The following COL28A1 variants were observed in gnomAD, a reference collection of about 807,000 sequenced individuals.
The protein encoded by COL28A1 is collagen type XXVIII alpha 1 chain.
A neutral mutation model predicts 150.2 loss-of-function variants in COL28A1; 161 were observed. The ratio of observed to expected loss-of-function variants is 1.07; its 90% CI spans 0.94 to 1.22. The LOEUF (loss-of-function observed/expected upper bound fraction) is 1.22, where lower values mean the gene tolerates loss of function less well. Among genes scored for constraint, COL28A1 ranks in the 50% most tolerant of loss-of-function variants. COL28A1 has a pLI of 0.00. For synonymous variants in COL28A1, 552 were observed against 469.7 expected (o/e 1.18, Z -2.26); for missense variants, 1,617 against 1,388.3 (o/e 1.16, Z -2.62).
downstream of COL28A1, among the ~76,000 whole-genome samples, chr7:7,351,769 A>T (rs577950047): frequency 3.9e-5 from 6 of 152,126 alleles, no homozygotes; most frequent in Non-Finnish European, 7.4e-5. Flanking sequence ...ATGTGTGTGT[A>T]TGAGTGAGTG....
At chr7:7,484,794 A>C (rs1210177516) in intron 13 of COL28A1, among the ~76,000 whole-genome samples, 4 of 152,170 alleles carry the variant, frequency 2.6e-5, no homozygotes, top group African/African-American at 9.6e-5. Context: ...GAAATATTGC[A>C]CAGCCATAAG....
At chr7:7,490,943 A>G (rs1036780648) in intron 11 of COL28A1, among the ~76,000 whole-genome samples, 11 of 152,248 alleles carry the variant, frequency 7.2e-5, no homozygotes, top group Admixed American at 3.9e-4. Context: ...ATGACTATAT[A>G]ACAATGAATA....
chr7:7,479,125 G>T (rs1482865593), intron 13 of COL28A1, among the ~76,000 whole-genome samples: 1 of 152,238 alleles, frequency 6.6e-6, no homozygotes, highest in African/African-American at 2.4e-5. Context: ...CAAGGGACTT[G>T]AGCATCTGTG....
intron 27 of COL28A1, among the ~76,000 whole-genome samples, chr7:7,396,163 C>A (rs1782823219): frequency 6.6e-6 from 1 of 152,074 alleles, no homozygotes; most frequent in Non-Finnish European, 1.5e-5. Flanking sequence ...ATCCAGAGAC[C>A]CCCTAGAGCA....
chr7:7,377,537 G>C (rs865944315), intron 30 of COL28A1, among the ~76,000 whole-genome samples: 1 of 152,158 alleles, frequency 6.6e-6, no homozygotes, highest in Non-Finnish European at 1.5e-5. Flanking sequence ...GAGCGTTCAG[G>C]CAAGGTGGTC....
intron 27 of COL28A1, among the ~76,000 whole-genome samples, chr7:7,395,627 G>C (rs1039192573): frequency 5.9e-5 from 9 of 152,090 alleles, no homozygotes; most frequent in African/African-American, 1.5e-4. Flanking sequence ...TAGTCAATTG[G>C]AACATGGTTG....
At chr7:7,461,751 G>A (rs1448383619) in intron 15 of COL28A1, among the ~76,000 whole-genome samples, 1 of 152,098 alleles carries the variant, frequency 6.6e-6, no homozygotes, top group South Asian at 2.1e-4. Context: ...TAGAAGTAGA[G>A]TCTGAGCTCA....
At chr7:7,480,679 A>G (rs1275237561) in intron 13 of COL28A1, among the ~76,000 whole-genome samples, 1 of 152,198 alleles carries the variant, frequency 6.6e-6, no homozygotes, top group Non-Finnish European at 1.5e-5. Flanking sequence ...AACTTTTTTC[A>G]TTCATCCAAC....
rs1782606235 is a variant in COL28A1, at chr7:7,392,530, G to C, written c.2137-10918C>G. Among the ~76,000 whole-genome samples, 3 of 152,264 alleles carry C rather than the reference G, an allele frequency of 2.0e-5. No individual in the cohort carries two copies. In the South Asian group the frequency reaches 6.2e-4, roughly 32 times the overall value. ...ATTTGAATGTTGTCCTGTCTTGCTA[G>C]GTTGGGGAAGTTCTCCTGGATAATA... On this transcript the variant is annotated intron_variant, in intron 27 of 34. Coordinates refer to ENST00000399429, the MANE Select transcript of COL28A1 (RefSeq NM_001037763.3).
intron 25 of COL28A1, among the ~76,000 whole-genome samples, chr7:7,425,525 T>C (rs1182901477): frequency 1.3e-5 from 2 of 152,202 alleles, no homozygotes; most frequent in African/African-American, 4.8e-5. Flanking sequence ...TTTCCCTCCG[T>C]TGCTAATCCT....
At chr7:7,426,570 A>G (rs1036748371) in intron 25 of COL28A1, among the ~76,000 whole-genome samples, 1 of 152,234 alleles carries the variant, frequency 6.6e-6, no homozygotes, top group African/African-American at 2.4e-5. Context: ...GGATGAGAAA[A>G]TAATTATACA....
intron 20 of COL28A1, among the ~76,000 whole-genome samples, chr7:7,442,508 C>T (rs922380430): frequency 1.3e-5 from 2 of 151,852 alleles, no homozygotes; most frequent in Non-Finnish European, 2.9e-5. Context: ...AAAAAGGATC[C>T]CCGAGACTGG....
chr7:7,494,981 A>G (rs955124642), intron 11 of COL28A1, among the ~76,000 whole-genome samples: 10 of 152,120 alleles, frequency 6.6e-5, no homozygotes, highest in African/African-American at 2.4e-4. Flanking sequence ...AATATTCTAG[A>G]GACGGTCAGC....
chr7:7,412,106 A>G lies in COL28A1; in HGVS notation c.2136+5753T>C, dbSNP rs958721900. 5.9e-5 allele frequency among the ~76,000 whole-genome samples: 9 copies of G among 152,102 alleles called. 1 individual carries two copies. The highest frequency in any genetic ancestry group is 1.9e-4 in the African/African-American group (8 of 41,364). Reference sequence around the variant, plus strand: ...GACTACCTTTCCAAGCCACTTTGCAATTAAGTACAGCCATGCAACTAGTTC... The same window carrying G: ...GACTACCTTTCCAAGCCACTTTGCAGTTAAGTACAGCCATGCAACTAGTTC... On this transcript the variant is annotated intron_variant, in intron 27 of 34. Transcript: ENST00000399429.
In COL28A1 at chr7:7,474,385, C is replaced by CACT. The variant is rs1234176530; in HGVS notation, c.1302+213_1302+215dup. ...GGTGCACCAAAATCTCACAAATCACCACTAAAGAACTTACTCATGTAACCT... is the reference window on the plus strand; with the variant it reads ...GGTGCACCAAAATCTCACAAATCACCACTACTAAAGAACTTACTCATGTAACCT... On this transcript the variant is annotated intron_variant, in intron 15 of 34. Coordinates refer to ENST00000399429, the MANE Select transcript of COL28A1 (RefSeq NM_001037763.3). Among the ~76,000 whole-genome samples the CACT allele has an allele frequency of 3.3e-5, 5 of 152,044 alleles. No individual in the cohort carries two copies. In the East Asian group the frequency reaches 9.6e-4, roughly 29 times the overall value.
intron 34 of COL28A1, among the ~76,000 whole-genome samples, chr7:7,359,934 C>T (rs78070148): frequency 0.03 from 4,550 of 152,170 alleles, 225 homozygotes; most frequent in African/African-American, 0.1. Context: ...CATAATAATA[C>T]ATTTTCTATA....
chr7:7,470,919 C>T (rs1289974882), intron 15 of COL28A1, among the ~76,000 whole-genome samples: 1 of 118,820 alleles, frequency 8.4e-6, no homozygotes, highest in Non-Finnish European at 1.6e-5. Context: ...AATGAGATCA[C>T]GTGGACACAG....
At chr7:7,384,617 A>G (rs1177953520) in intron 27 of COL28A1, among the ~76,000 whole-genome samples, 1 of 152,186 alleles carries the variant, frequency 6.6e-6, no homozygotes, top group Non-Finnish European at 1.5e-5. Flanking sequence ...TGTATATAGA[A>G]AAAACATAGC....
At chr7:7,372,713 C>G (rs1208678008) in intron 32 of COL28A1, among the ~76,000 whole-genome samples, 1 of 152,154 alleles carries the variant, frequency 6.6e-6, no homozygotes, top group African/African-American at 2.4e-5. Context: ...GCAATACTCC[C>G]AAGTCCTATT....
Sources: gnomAD v4.1 joint callset for allele counts (sites outside exome capture counted in the v4.1 genomes callset) on GRCh38, gnomAD v4.1.1 for gene constraint, MANE v1.5 for transcripts, NCBI Gene and HGNC (gene_info 2026-07-23, HGNC 2026-07-21) for gene names.